SDCCAG8: variants seen among roughly 807,000 people sequenced by gnomAD.
The protein encoded by SDCCAG8 is serologically defined colon cancer antigen 8.
Under a neutral mutation model 101.8 loss-of-function variants are expected in SDCCAG8, and 74 were observed. The ratio of observed to expected loss-of-function variants is 0.73; its 90% confidence interval spans 0.60 to 0.88. The LOEUF is 0.88. SDCCAG8 is among the 40% of genes least tolerant of loss of function. The pLI is 0.00. For missense variants in SDCCAG8, 787 were observed against 822.6 expected (o/e 0.96, Z 0.53); for synonymous variants, 281 against 292.9 (o/e 0.96, Z 0.41).
chr1:243,341,177 CAGAA>C lies in SDCCAG8; in HGVS notation c.1356+8_1356+11del, dbSNP rs777827340. On this transcript the variant is annotated splice_donor_5th_base_variant and intron_variant, in intron 11 of 17. Transcript: ENST00000366541. The stretch of plus-strand genomic sequence containing the variant: ...TCGGGAAATGGATGTCACAAAGGTA[CAGAA>C]AGAGATTTTAGTGTAATCGTTACTT... 1.2e-6 allele frequency: 2 copies of C among 1,613,738 alleles called. No individual in the cohort carries two copies. Among genetic ancestry groups the C allele is most frequent in the Admixed American group, 3.3e-5 (2 of 60,022 alleles).
At chr1:243,327,248 A>G (rs2074214610) in intron 9 of SDCCAG8, among the ~76,000 whole-genome samples, 1 of 110,970 alleles carries the variant, frequency 9.0e-6, no homozygotes, top group South Asian at 2.8e-4. Context: ...TGTTTATAGC[A>G]TTCAGTTACT....
rs966753775 is a variant in SDCCAG8, at chr1:243,474,031, G to C, written c.1986-14983G>C. On this transcript the variant is annotated intron_variant, in intron 16 of 17. Coordinates refer to ENST00000366541, the MANE Select transcript of SDCCAG8 (RefSeq NM_006642.5). The surrounding 1 kb of genome is among the most constrained non-coding windows in gnomAD (Gnocchi z 4.7). ...AATCACTAACATAGAAATGTAAACG[G>C]GTTGCAGTATTTCTTTGGCCTATTA... Among the ~76,000 whole-genome samples the C allele has an allele frequency of 6.6e-6, 1 of 151,196 alleles. No individual in the cohort carries two copies. Among genetic ancestry groups the C allele is most frequent in the Non-Finnish European group, 1.5e-5 (1 of 67,874 alleles).
intron 12 of SDCCAG8, among the ~76,000 whole-genome samples, chr1:243,355,208 T>C (rs779631912): frequency 6.6e-6 from 1 of 152,236 alleles, no homozygotes; most frequent in Non-Finnish European, 1.5e-5. Context: ...GGTCTTTATT[T>C]CTGGCCTGCC....
intron 9 of SDCCAG8, among the ~76,000 whole-genome samples, chr1:243,323,566 A>G (rs2073929173): frequency 1.3e-5 from 2 of 152,158 alleles, no homozygotes; most frequent in African/African-American, 2.4e-5. Flanking sequence ...TAAGTAAACA[A>G]AAAGCAGCTT....
At chr1:243,274,946 G>A (rs1223203666) in intron 4 of SDCCAG8, among the ~76,000 whole-genome samples, 1 of 152,158 alleles carries the variant, frequency 6.6e-6, no homozygotes, top group Non-Finnish European at 1.5e-5. Context: ...CCCGCTTGCT[G>A]TAGCCCAGCA....
intron 5 of SDCCAG8, among the ~76,000 whole-genome samples, chr1:243,290,419 C>T (rs982660463): frequency 2.0e-5 from 3 of 152,052 alleles, no homozygotes; most frequent in Non-Finnish European, 1.5e-5. Flanking sequence ...GGTCTACATG[C>T]TCCCTCCAAT....
At chr1:243,271,261 T>G (rs59665830) in intron 3 of SDCCAG8, among the ~76,000 whole-genome samples, 198 bp downstream of exon 3, 9 of 151,446 alleles carry the variant, frequency 5.9e-5, no homozygotes, top group African/African-American at 2.2e-4. Context: ...TTTTTAAATT[T>G]ATTATTCACT....
intron 9 of SDCCAG8, among the ~76,000 whole-genome samples, chr1:243,321,306 T>G (rs916643250): frequency 1.3e-5 from 2 of 152,190 alleles, no homozygotes; most frequent in African/African-American, 4.8e-5. Flanking sequence ...GGGGTACATG[T>G]GTAGGATTGT....
rs535852647 is a variant in SDCCAG8, at chr1:243,457,929, G to A, written c.1986-31085G>A. ...TGCTAGTCTGTTAATATGTGTTTTC[G>A]TCTCTTTTCTAAACAGATTTTAAAA... On this transcript the variant is annotated intron_variant, in intron 16 of 17. Transcript: ENST00000366541. Among the ~76,000 whole-genome samples, 75 of 152,264 alleles carry A rather than the reference G, an allele frequency of 4.9e-4. 3 individuals carry two copies. The highest frequency in any genetic ancestry group is 4.1e-4 in the South Asian group (2 of 4,832).
intron 13 of SDCCAG8, among the ~76,000 whole-genome samples, chr1:243,393,851 A>C (rs2147951042): frequency 6.6e-6 from 1 of 152,244 alleles, no homozygotes; most frequent in African/African-American, 2.4e-5. Context: ...CTACTTAATA[A>C]TTTTTCATAA....
rs763202432 is a variant in SDCCAG8, at chr1:243,484,783, C to T, written c.1986-4231C>T. On this transcript the variant is annotated intron_variant, in intron 16 of 17. Coordinates refer to ENST00000366541, the MANE Select transcript of SDCCAG8 (RefSeq NM_006642.5). Reference sequence around the variant, plus strand: ...GGTGTTGGCCGGGCGCGGTGGCTCACGCCTGTAATCCCAGCACTTTGGGAG... The same window carrying T: ...GGTGTTGGCCGGGCGCGGTGGCTCATGCCTGTAATCCCAGCACTTTGGGAG... Among the ~76,000 whole-genome samples the T allele has an allele frequency of 1.8e-4, 27 of 152,244 alleles. 1 individual carries two copies. The highest frequency in any genetic ancestry group is 1.2e-3 in the South Asian group (6 of 4,814).
intron 13 of SDCCAG8, among the ~76,000 whole-genome samples, chr1:243,403,635 G>A (rs1479015468): frequency 6.8e-6 from 1 of 146,878 alleles, no homozygotes; most frequent in Non-Finnish European, 1.5e-5. Flanking sequence ...TGTCGGAGCA[G>A]CAGCATCATT....
At chr1:243,488,251 T>G (rs527715840) in intron 16 of SDCCAG8, 1 of 152,396 alleles carries the variant, frequency 6.6e-6, no homozygotes, top group Non-Finnish European at 1.5e-5. Flanking sequence ...GAGTTTGAAA[T>G]GCACCTTGAG....
chr1:243,322,618 G>A (rs1048098129), intron 9 of SDCCAG8, among the ~76,000 whole-genome samples: 5 of 152,052 alleles, frequency 3.3e-5, no homozygotes, highest in Admixed American at 6.6e-5. Context: ...AGCATCTTGC[G>A]TAGATCTCAA....
intron 16 of SDCCAG8, among the ~76,000 whole-genome samples, chr1:243,443,566 G>A (rs2082688244): frequency 6.6e-6 from 1 of 152,226 alleles, no homozygotes; most frequent in Admixed American, 6.5e-5. Context: ...CCCCACCAGT[G>A]TGCCTGAATC....
In SDCCAG8 at chr1:243,294,227, T is replaced by G. The variant is rs183946566; in HGVS notation, c.675+1008T>G. On this transcript the variant is annotated intron_variant, in intron 6 of 17. Coordinates refer to ENST00000366541, the MANE Select transcript of SDCCAG8 (RefSeq NM_006642.5). ...TGTTGAAAATTGAGCATTTCCCTATTGTAATGTGATAACTCTGGAAATCTT... is the reference window on the plus strand; with the variant it reads ...TGTTGAAAATTGAGCATTTCCCTATGGTAATGTGATAACTCTGGAAATCTT... Among the ~76,000 whole-genome samples, 466 of 152,314 alleles carry G rather than the reference T, an allele frequency of 3.1e-3. 3 individuals carry two copies. Among genetic ancestry groups the G allele is most frequent in the African/African-American group, 0.011 (447 of 41,574 alleles).
At chr1:243,414,370 A>G (rs1209917512) in intron 13 of SDCCAG8, among the ~76,000 whole-genome samples, 5 of 152,096 alleles carry the variant, frequency 3.3e-5, no homozygotes, top group Admixed American at 1.3e-4. Flanking sequence ...CTGACTATCC[A>G]TTTGTTGTAT....
chr1:243,382,036 C>A (rs1234543088), intron 13 of SDCCAG8, among the ~76,000 whole-genome samples: 1 of 152,036 alleles, frequency 6.6e-6, no homozygotes, highest in Non-Finnish European at 1.5e-5. Context: ...GGGTTGGGTA[C>A]CCCAGGTAGA....
chr1:243,264,299 T>G (rs963159050), intron 1 of SDCCAG8, among the ~76,000 whole-genome samples: 2 of 152,066 alleles, frequency 1.3e-5, no homozygotes, highest in Admixed American at 1.3e-4. Flanking sequence ...ACATAGGAAG[T>G]AGGGAAACTC....
Sources: allele counts gnomAD v4.1 joint callset (sites outside exome capture counted in the v4.1 genomes callset), GRCh38; gene constraint gnomAD v4.1.1; non-coding constraint Gnocchi (gnomAD v3.1); transcripts MANE v1.5; gene names NCBI Gene and HGNC (gene_info 2026-07-23, HGNC 2026-07-21).